RP1: variants seen among roughly 807,000 people sequenced by gnomAD.
RP1 encodes the protein RP1 axonemal microtubule associated, also known as oxygen-regulated protein 1.
RP1 carries 16 observed loss-of-function variants against 14.8 expected under a neutral mutation model. The observed-to-expected ratio is 1.08, with a 90% CI of 0.73 to 1.65. The LOEUF (loss-of-function observed/expected upper bound fraction) is 1.65, where lower values mean the gene tolerates loss of function less well. Ranked by LOEUF, RP1 falls within the 40% of genes most tolerant of loss-of-function variation. RP1 has a pLI of 0.00. For synonymous variants in RP1, 876 were observed against 883.6 expected (o/e 0.99, Z 0.15); for missense variants, 2,631 against 2,535.0 (o/e 1.04, Z -0.81).
Position 54,865,867 on chromosome 8 carries a change from A to T in RP1, c.4102A>T (p.Lys1368Ter). The change falls in exon 28 of 29, where the codon AAG (lysine) becomes TAG (stop). Residue 1368 changes from lysine (K) to a stop codon, truncating the protein, a stop_gained. Coordinates refer to the RP1 transcript ENST00000637698. LOFTEE classifies it low-confidence loss of function (END_TRUNC). Reference sequence around the variant, plus strand: ...ATGGTTTCTTGGGAGTATTGTTGTTAAGTCTGAAGATGAAGACAGCAGTGA... The same window carrying T: ...ATGGTTTCTTGGGAGTATTGTTGTTTAGTCTGAAGATGAAGACAGCAGTGA... The T allele has an allele frequency of 1.6e-6, 2 of 1,229,648 alleles. No homozygotes were observed. Among genetic ancestry groups the T allele is most frequent in the Non-Finnish European group, 2.0e-6 (2 of 985,702 alleles). 76.2% of individuals were successfully genotyped at this position (1,229,648 alleles called of 1,614,324 possible). A position where few individuals can be genotyped will look rare whatever the true frequency, so the allele number is the denominator to read the frequency against.
At chr8:54,855,325 A>G (rs1397899339) in intron 26 of RP1, among the ~76,000 whole-genome samples, 1 of 152,218 alleles carries the variant, frequency 6.6e-6, no homozygotes, top group Non-Finnish European at 1.5e-5. Flanking sequence ...TGAAAGGCTG[A>G]ATAATATTTC....
exon 24 of RP1, chr8:54,783,665 T>G: frequency 8.9e-6 from 11 of 1,231,596 alleles, no homozygotes; most frequent in Non-Finnish European, 1.1e-5. Flanking sequence ...TTTTGGGATC[T>G]GGGAAACACC....
At chr8:54,654,854 C>G (rs932065153) in intron 5 of RP1, among the ~76,000 whole-genome samples, 1 of 152,068 alleles carries the variant, frequency 6.6e-6, no homozygotes, top group Non-Finnish European at 1.5e-5. Flanking sequence ...GCCATGTTGC[C>G]CTGGTTGGTC....
chr8:54,600,285 T>A (rs1210021221), intron 1 of RP1, among the ~76,000 whole-genome samples: 3 of 152,220 alleles, frequency 2.0e-5, no homozygotes, highest in Non-Finnish European at 4.4e-5. Context: ...CTTCATCTTC[T>A]GCCATGATTG....
intron 1 of RP1, among the ~76,000 whole-genome samples, chr8:54,571,961 A>C (rs1804533514): frequency 6.6e-6 from 1 of 152,118 alleles, no homozygotes. Flanking sequence ...TAAGTCATCT[A>C]TTTGCAGATA....
intron 24 of RP1, among the ~76,000 whole-genome samples, chr8:54,790,363 G>A (rs527948357): frequency 1.3e-5 from 2 of 152,332 alleles, no homozygotes; most frequent in Admixed American, 6.5e-5. Context: ...AAGTGAACCT[G>A]TAAAGTCTGG....
chr8:54,611,078 A>T (rs370534035), intron 1 of RP1, among the ~76,000 whole-genome samples: 2 of 152,172 alleles, frequency 1.3e-5, no homozygotes, highest in East Asian at 3.8e-4. Flanking sequence ...TCTGGCCTCC[A>T]AGGTTTCTAA....
intron 3 of RP1, among the ~76,000 whole-genome samples, chr8:54,622,538 TA>T (rs1805909672): frequency 6.6e-6 from 1 of 152,228 alleles, no homozygotes; most frequent in South Asian, 2.1e-4. Context: ...CTTTTTTGCA[TA>T]AAATACCTAG....
At chr8:54,719,463 C>T (rs1165961832) in intron 15 of RP1, among the ~76,000 whole-genome samples, 1 of 152,148 alleles carries the variant, frequency 6.6e-6, no homozygotes, top group African/African-American at 2.4e-5. Flanking sequence ...AAATTTTAAT[C>T]CATCCTTACA....
In RP1 at chr8:54,747,151, A is replaced by C. The variant is rs560848327; in HGVS notation, c.2809-7652A>C. Among the ~76,000 whole-genome samples the C allele has an allele frequency of 3.9e-5, 6 of 152,222 alleles. 1 individual carries two copies. In the East Asian group the frequency reaches 1.2e-3, roughly 29 times the overall value. ...CTTCTCTCTGCTGTAAAGATCTCCT[A>C]TGATAGGCTTCCAGCTTCTTTTTCA... On this transcript the variant is annotated intron_variant, in intron 19 of 22. Transcript: ENST00000636932.
chr8:54,807,821 T>C (rs1447631498), intron 24 of RP1, among the ~76,000 whole-genome samples: 2 of 152,130 alleles, frequency 1.3e-5, no homozygotes, highest in African/African-American at 4.8e-5. Flanking sequence ...CTGCAGTCCA[T>C]GTCCAAGTCC....
At chr8:54,688,423 T>G (rs1467362713) in intron 12 of RP1, among the ~76,000 whole-genome samples, 1 of 152,186 alleles carries the variant, frequency 6.6e-6, no homozygotes, top group Non-Finnish European at 1.5e-5. Context: ...CTAGGTTTTC[T>G]TCTAGGGTTT....
intron 27 of RP1, among the ~76,000 whole-genome samples, chr8:54,864,985 A>C (rs978000651): frequency 2.6e-5 from 4 of 152,142 alleles, no homozygotes; most frequent in Admixed American, 6.6e-5. Context: ...CCAATATGAG[A>C]TAGTTCTACA....
intron 23 of RP1, chr8:54,781,088 A>G (rs1479004823): frequency 2.0e-6 from 2 of 976,496 alleles, no homozygotes; most frequent in African/African-American, 3.5e-5. Flanking sequence ...GGTTTCCAAG[A>G]AAATTTCCTT....
chr8:54,599,522 C>T (rs934120380), intron 1 of RP1, among the ~76,000 whole-genome samples: 3 of 151,828 alleles, frequency 2.0e-5, no homozygotes, highest in South Asian at 2.1e-4. Context: ...GCGGTGGCAC[C>T]GTCTCGGCTC....
intron 1 of RP1, among the ~76,000 whole-genome samples, chr8:54,579,215 T>G (rs1391096461): frequency 1.3e-5 from 2 of 152,198 alleles, no homozygotes; most frequent in Non-Finnish European, 2.9e-5. Flanking sequence ...TGGTGTTATC[T>G]CAGTAGACAC....
At chr8:54,598,021 G>A (rs760811768) in intron 1 of RP1, among the ~76,000 whole-genome samples, 2 of 151,756 alleles carry the variant, frequency 1.3e-5, no homozygotes, top group Admixed American at 1.3e-4. Context: ...TTCCCTCCCC[G>A]CACTATCGTT....
chr8:54,772,480 T>C (rs554578556), downstream of RP1, among the ~76,000 whole-genome samples: 9 of 152,216 alleles, frequency 5.9e-5, no homozygotes, highest in Non-Finnish European at 1.2e-4. Flanking sequence ...ATATGTTGTC[T>C]AGGTCCCTGG....
Position 54,754,885 on chromosome 8 carries a change from ATGTTGTC to A in RP1, c.2895_2901del (p.Val966SerfsTer4). On this transcript the variant is annotated frameshift_variant, in exon 20 of 23. Transcript: ENST00000636932. LOFTEE classifies it high-confidence loss of function. ...CTGTCTCGGATTCAGGCAGATGGGG[ATGTTGTC>A]TGTGAGCTTCCTGTAGTAAAAGGAG... is the stretch of plus-strand genomic sequence containing the variant. The A allele has an allele frequency of 6.5e-7, 1 of 1,527,762 alleles. No homozygotes were observed. Among genetic ancestry groups the A allele is most frequent in the Non-Finnish European group, 8.7e-7 (1 of 1,142,872 alleles). The allele number at this position is 1,527,762 out of a possible 1,614,324, so 94.6% of individuals were successfully genotyped here.
Sources: allele counts gnomAD v4.1 joint callset (sites outside exome capture counted in the v4.1 genomes callset), GRCh38; gene constraint gnomAD v4.1.1; transcripts MANE v1.5; gene names NCBI Gene and HGNC (gene_info 2026-07-23, HGNC 2026-07-21).